The following ABCC3 variants were observed in gnomAD, a reference collection of about 807,000 sequenced individuals.
The protein encoded by ABCC3 is ATP binding cassette subfamily C member 3, also known as ATP-binding cassette sub-family C member 3.
In ABCC3, 121 loss-of-function variants were observed where a neutral mutation model predicts 165.3. The observed-to-expected ratio is 0.73, with a 90% CI of 0.63 to 0.85. ABCC3 has a LOEUF of 0.85. Among genes scored for constraint, ABCC3 ranks in the 40% least tolerant of loss-of-function variants. The pLI, the probability that ABCC3 is intolerant of heterozygous loss-of-function variation, is 0.00. For synonymous variants in ABCC3, 733 were observed against 810.1 expected (o/e 0.90, Z 1.62); for missense variants, 1,869 against 1,964.1 (o/e 0.95, Z 0.92).
intron 11 of ABCC3, 28 bp downstream of exon 11, chr17:50,665,273 T>C: frequency 6.3e-7 from 1 of 1,590,282 alleles, no homozygotes; most frequent in South Asian, 1.1e-5. Flanking sequence ...TGCATCCTCC[T>C]GCCTGCAGCA....
chr17:50,678,663 C>A (rs921823953), intron 25 of ABCC3, among the ~76,000 whole-genome samples: 15 of 152,138 alleles, frequency 9.9e-5, no homozygotes, highest in Admixed American at 3.9e-4. Context: ...TGGCTCACAC[C>A]TAATCCCAGC....
chr17:50,647,898 G>A (rs1331267167), intron 1 of ABCC3, among the ~76,000 whole-genome samples: 1 of 152,142 alleles, frequency 6.6e-6, no homozygotes. Flanking sequence ...AATTGGCCGG[G>A]CGTGGTGGTG....
rs753638817 is a variant in ABCC3 at position 50,678,224 on chromosome 17, G to A, written c.3705+5G>A. 3 of 1,520,948 alleles carry A rather than the reference G, an allele frequency of 2.0e-6. No individual in the cohort carries two copies. The South Asian group carries it at 4.0e-5, about 20-fold the overall frequency. The allele number at this position is 1,520,948 out of a possible 1,614,324, so 94.2% of individuals were successfully genotyped here. On this transcript the variant is annotated splice_donor_5th_base_variant and intron_variant, in intron 25 of 30. Coordinates refer to ENST00000285238, the MANE Select transcript of ABCC3 (RefSeq NM_003786.4). ...TCTGTGTCCTACTCCTTGCAGGTATGAAGGGCCTGGACCCCAGGGCAGGGC... is the reference window on the plus strand; with the variant it reads ...TCTGTGTCCTACTCCTTGCAGGTATAAAGGGCCTGGACCCCAGGGCAGGGC...
chr17:50,644,707 G>A lies in ABCC3; in HGVS notation c.45+9726G>A, dbSNP rs568224283. Among the ~76,000 whole-genome samples, 93 of 151,634 alleles carry A rather than the reference G, an allele frequency of 6.1e-4. No homozygotes were observed. The South Asian group carries it at 0.012, about 20-fold the overall frequency. Reference sequence around the variant, plus strand: ...AGCCGAGGTGACAGAGTGAGACTCCGTCTCAAAACCAAAACAAAACAAAAA... The same window carrying A: ...AGCCGAGGTGACAGAGTGAGACTCCATCTCAAAACCAAAACAAAACAAAAA... On this transcript the variant is annotated intron_variant, in intron 1 of 30. Coordinates refer to ENST00000285238, the MANE Select transcript of ABCC3 (RefSeq NM_003786.4).
intron 23 of ABCC3, 143 bp from the exon 24 acceptor site, chr17:50,677,601 G>C: frequency 2.5e-6 from 2 of 794,858 alleles, no homozygotes; most frequent in Non-Finnish European, 4.1e-6. Flanking sequence ...TGGGTCCTTG[G>C]AGGTGGGGGA....
chr17:50,669,622 A>T, intron 17 of ABCC3, 94 bp downstream of exon 17: 1 of 1,372,078 alleles, frequency 7.3e-7, no homozygotes, highest in South Asian at 1.3e-5. Flanking sequence ...TCATTCACAC[A>T]TTGGTGTAAC....
intron 19 of ABCC3, among the ~76,000 whole-genome samples, chr17:50,675,020 G>A (rs889649188): frequency 2.6e-5 from 4 of 151,824 alleles, no homozygotes; most frequent in African/African-American, 4.8e-5. Context: ...GGCTGGTCTC[G>A]ATCTCCTGAC....
At chr17:50,671,914 G>T (rs145982442) in intron 17 of ABCC3, among the ~76,000 whole-genome samples, 5 of 151,548 alleles carry the variant, frequency 3.3e-5, no homozygotes, top group African/African-American at 1.2e-4. Context: ...GTAGAGATGG[G>T]TTTCACCATA....
In ABCC3 at chr17:50,683,932, T is replaced by C; in HGVS notation, c.3955-17T>C. On this transcript the variant is annotated splice_polypyrimidine_tract_variant and intron_variant, in intron 27 of 30. Transcript: ENST00000285238. ...CTCTCAGCTTCCCCCTCAGAGCCCC[T>C]TCCCTTCTCCGCCCAGGTGGGGATC... 6.2e-7 allele frequency: 1 copy of C among 1,611,080 alleles called. No individual in the cohort carries two copies. Among genetic ancestry groups the C allele is most frequent in the East Asian group, 2.2e-5 (1 of 44,692 alleles).
chr17:50,681,426 C>A (rs1034252580), intron 26 of ABCC3, among the ~76,000 whole-genome samples: 5 of 152,162 alleles, frequency 3.3e-5, no homozygotes, highest in Non-Finnish European at 5.9e-5. Flanking sequence ...TTCTCATGGC[C>A]GCTTGAGGAC....
In ABCC3 at chr17:50,663,870, C is replaced by T; in HGVS notation, c.1176+12C>T. 4 of 1,614,176 alleles carry T rather than the reference C, an allele frequency of 2.5e-6. No individual in the cohort carries two copies. Among genetic ancestry groups the T allele is most frequent in the Non-Finnish European group, 3.4e-6 (4 of 1,180,022 alleles). On this transcript the variant is annotated intron_variant, in intron 9 of 30. Transcript: ENST00000285238. ...TCATCTACAGGAAGGTCAGCTGGAG[C>T]AGGGCCCAGGGGAAAGGCTGGCCCT...
chr17:50,668,732 G>A (rs1476026452), intron 14 of ABCC3, 121 bp from the exon 15 acceptor site: 2 of 873,552 alleles, frequency 2.3e-6, no homozygotes, highest in East Asian at 5.2e-5. Flanking sequence ...TTTTCCCAAG[G>A]ATCCCCTCCC....
chr17:50,655,796 GC>G lies in ABCC3; in HGVS notation c.46-35del, dbSNP rs1171236023. ...TCAAGGCAGCCCAATTCTCTGTGGG[GC>G]TGCCACAGCACTAAACTGTTCTCTG... On this transcript the variant is annotated intron_variant, in intron 1 of 30. Transcript: ENST00000285238. The G allele has an allele frequency of 2.5e-6, 4 of 1,599,330 alleles. No homozygotes were observed. The African/African-American group carries it at 5.4e-5, about 21-fold the overall frequency.
intron 26 of ABCC3, among the ~76,000 whole-genome samples, chr17:50,681,748 G>A (rs1967932471): frequency 6.6e-6 from 1 of 152,110 alleles, no homozygotes; most frequent in Non-Finnish European, 1.5e-5. Flanking sequence ...TCCAGGGGAC[G>A]CTTTTCTGTT....
rs1026887461 is a variant in ABCC3, at chr17:50,683,957, C to T, written c.3963C>T (p.Ile1321=). ...LHVHGGEKVG[I]VGRTGAGKSS... is the part of the protein sequence containing the mutation. Reference sequence around the variant, plus strand: ...TTCCCTTCTCCGCCCAGGTGGGGATCGTGGGCCGCACTGGGGCTGGCAAGT... The same window carrying T: ...TTCCCTTCTCCGCCCAGGTGGGGATTGTGGGCCGCACTGGGGCTGGCAAGT... The change falls in exon 28 of 31, where the codon ATC becomes ATT. Residue 1321 remains isoleucine, a synonymous_variant. Coordinates refer to ENST00000285238, the MANE Select transcript of ABCC3 (RefSeq NM_003786.4). 24 of 1,612,918 alleles carry T rather than the reference C, an allele frequency of 1.5e-5. No individual in the cohort carries two copies. Among genetic ancestry groups the T allele is most frequent in the African/African-American group, 4.0e-5 (3 of 74,854 alleles).
chr17:50,671,417 CT>C (rs376025646), intron 17 of ABCC3, among the ~76,000 whole-genome samples: 217 of 152,320 alleles, frequency 1.4e-3, no homozygotes, highest in African/African-American at 5.0e-3. Context: ...CCCACTGCCC[CT>C]AGGCCCCAGT....
In ABCC3 at chr17:50,669,401, T is replaced by G; in HGVS notation, c.2114T>G (p.Leu705Arg). Residue 705 changes from leucine to arginine, a missense_variant, in exon 17 of 31, where the codon CTT (leucine) becomes CGT (arginine). Physicochemically the swap from Leu to Arg is moderately radical, Grantham distance 102. Coordinates refer to ENST00000285238, the MANE Select transcript of ABCC3 (RefSeq NM_003786.4). Reference protein sequence around the residue: ...PQQAWIQNCTLQENVLFGKAL... With the variant: ...PQQAWIQNCTRQENVLFGKAL... Reference sequence around the variant, plus strand: ...CAGGCATGGATCCAGAACTGCACTCTTCAGGAAAACGTGCTTTTCGGCAAA... The same window carrying G: ...CAGGCATGGATCCAGAACTGCACTCGTCAGGAAAACGTGCTTTTCGGCAAA... The G allele has an allele frequency of 6.2e-7, 1 of 1,614,236 alleles. No homozygotes were observed. The highest frequency in any genetic ancestry group is 8.5e-7 in the Non-Finnish European group (1 of 1,180,044).
intron 1 of ABCC3, among the ~76,000 whole-genome samples, chr17:50,649,589 A>AG (rs1567826077): frequency 9.6e-4 from 70 of 73,194 alleles, no homozygotes; most frequent in African/African-American, 3.1e-3. Context: ...TCAAAAAAAG[A>AG]AGGAGAGGAG....
In ABCC3 at chr17:50,676,116, G is replaced by T. The variant is rs369046281; in HGVS notation, c.3067+26G>T. On this transcript the variant is annotated intron_variant, in intron 22 of 30. Coordinates refer to ENST00000285238, the MANE Select transcript of ABCC3 (RefSeq NM_003786.4). ...GTGAGCTTGTGGGGGTGTCCAGAAG[G>T]GGCTCCAATATCCCTTCTTCTCTGG... is the stretch of plus-strand genomic sequence containing the variant. The T allele has an allele frequency of 2.5e-6, 4 of 1,613,296 alleles. No homozygotes were observed. In the African/African-American group the frequency reaches 4.0e-5, roughly 16 times the overall value.
Sources: allele counts gnomAD v4.1 joint callset (sites outside exome capture counted in the v4.1 genomes callset), GRCh38; gene constraint gnomAD v4.1.1; transcripts MANE v1.5; gene names NCBI Gene and HGNC (gene_info 2026-07-23, HGNC 2026-07-21).